Variants in ZC3H18 observed in about 807,000 individuals in gnomAD.
ZC3H18 encodes zinc finger CCCH-type containing 18.
Under a neutral mutation model 106.1 loss-of-function variants are expected in ZC3H18, and 8 were observed. That is an observed-to-expected ratio of 0.08 (90% confidence interval 0.04 to 0.14). The LOEUF (loss-of-function observed/expected upper bound fraction) is 0.14, where lower values mean the gene tolerates loss of function less well. Among genes scored for constraint, ZC3H18 ranks in the 10% least tolerant of loss-of-function variants. The pLI, the probability that ZC3H18 is intolerant of heterozygous loss-of-function variation, is 1.00. For missense variants in ZC3H18, 1,318 were observed against 1,278.4 expected (o/e 1.03, Z -0.47); for synonymous variants, 635 against 522.1 (o/e 1.22, Z -2.95).
At chr16:88,582,814 G>C (rs979137596) in intron 2 of ZC3H18, among the ~76,000 whole-genome samples, 3 of 152,180 alleles carry the variant, frequency 2.0e-5, no homozygotes, top group African/African-American at 7.2e-5. Flanking sequence ...GGCCCAAGCT[G>C]GCGTGAGGCT....
At chr16:88,594,353 T>C (rs970541105) in intron 3 of ZC3H18, among the ~76,000 whole-genome samples, 2 of 152,198 alleles carry the variant, frequency 1.3e-5, no homozygotes, top group Admixed American at 6.5e-5. Context: ...TCAATAGAAA[T>C]GACACATATA....
At position 88,623,273 on chromosome 16, in the gene ZC3H18, C is replaced by T; in HGVS notation, c.1722C>T (p.Ser574=). ...YSGSGSSRSR[S]RSSSYSSYSS... ...GCTCCGGCTCCTCCCGGTCGCGATCCCGGTCTTCATCCTACAGCTCCTACT... is the reference window on the plus strand; with the variant it reads ...GCTCCGGCTCCTCCCGGTCGCGATCTCGGTCTTCATCCTACAGCTCCTACT... The change falls in exon 10 of 18, where the codon TCC becomes TCT. Residue 574 remains serine (S), a synonymous_variant. Coordinates refer to ENST00000301011, the MANE Select transcript of ZC3H18 (RefSeq NM_144604.4). The T allele has an allele frequency of 6.2e-7, 1 of 1,613,758 alleles. No homozygotes were observed. The highest frequency in any genetic ancestry group is 8.5e-7 in the Non-Finnish European group (1 of 1,179,984).
At chr16:88,579,132 G>C (rs1254539165) in intron 2 of ZC3H18, among the ~76,000 whole-genome samples, 1 of 152,230 alleles carries the variant, frequency 6.6e-6, no homozygotes, top group African/African-American at 2.4e-5. Context: ...TACGGGACGT[G>C]TGTGCACCTG....
At chr16:88,619,628 C>T (rs1287416468) in intron 8 of ZC3H18, among the ~76,000 whole-genome samples, 1 of 152,214 alleles carries the variant, frequency 6.6e-6, no homozygotes, top group East Asian at 1.9e-4. Context: ...ATTGTGGAGG[C>T]CTGCACTGCC....
intron 3 of ZC3H18, among the ~76,000 whole-genome samples, chr16:88,589,121 G>C (rs1260605747): frequency 1.3e-5 from 2 of 152,154 alleles, no homozygotes; most frequent in Non-Finnish European, 2.9e-5. Context: ...AAATTCTTCA[G>C]TTTATGATCT....
intron 2 of ZC3H18, among the ~76,000 whole-genome samples, chr16:88,581,661 T>G (rs1179099754): frequency 6.6e-6 from 1 of 152,194 alleles, no homozygotes; most frequent in Non-Finnish European, 1.5e-5. Flanking sequence ...TCTTACCTGT[T>G]CAGGAAGCGG....
At chr16:88,574,636 G>C in intron 1 of ZC3H18, among the ~76,000 whole-genome samples, 1 of 149,984 alleles carries the variant, frequency 6.7e-6, no homozygotes, top group Non-Finnish European at 1.5e-5. Context: ...CCAAGTAGCT[G>C]GGACGACAGG....
At chr16:88,571,196 CCAAA>C (rs1405428540) in intron 1 of ZC3H18, among the ~76,000 whole-genome samples, 1 of 152,188 alleles carries the variant, frequency 6.6e-6, no homozygotes, top group Admixed American at 6.5e-5. Flanking sequence ...CTTACTCCTG[CCAAA>C]CATTTTTCCT....
In ZC3H18 at chr16:88,581,733, T is replaced by G. The variant is rs554354312; in HGVS notation, c.603+4007T>G. On this transcript the variant is annotated intron_variant, in intron 2 of 17. Transcript: ENST00000301011. ...ATGCTCCTGCCGTCCAAAGAGTGCG[T>G]GGAGCCCACCCTGACCCACTCATGC... 2.6e-5 allele frequency among the ~76,000 whole-genome samples: 4 copies of G among 152,338 alleles called. No homozygotes were observed. The East Asian group carries it at 5.8e-4, about 22-fold the overall frequency.
intron 8 of ZC3H18, among the ~76,000 whole-genome samples, chr16:88,614,251 G>A (rs1029519110): frequency 2.0e-5 from 3 of 152,258 alleles, no homozygotes; most frequent in African/African-American, 7.2e-5. Flanking sequence ...ACTTGGAGGG[G>A]CCACAGTTCT....
At position 88,631,450 on chromosome 16, in the gene ZC3H18, G is replaced by C; in HGVS notation, c.*151G>C. ...CTCAGCTGGAAAAGAAGCCACACAG[G>C]AAATGACAACGACGCTGAATCCCAG... On this transcript the variant is annotated 3_prime_UTR_variant, in exon 18 of 18. Coordinates refer to ENST00000301011, the MANE Select transcript of ZC3H18 (RefSeq NM_144604.4). 1 of 1,096,824 alleles carries C rather than the reference G, an allele frequency of 9.1e-7. No individual in the cohort carries two copies. The allele number at this position is 1,096,824 out of a possible 1,614,324, so 67.9% of individuals were successfully genotyped here. A position where few individuals can be genotyped will look rare whatever the true frequency, so the allele number is the denominator to read the frequency against.
chr16:88,631,159 A>G lies in ZC3H18; in HGVS notation c.2722A>G (p.Lys908Glu), dbSNP rs761312390. The change falls in exon 18 of 18, where the codon AAA becomes GAA. Residue 908 changes from lysine (K) to glutamate (E), a missense_variant. This residue lies in a region of ZC3H18 where 848 missense variants were observed against 821.7 expected (regional missense o/e 1.03). Coordinates refer to ENST00000301011, the MANE Select transcript of ZC3H18 (RefSeq NM_144604.4). Reference protein sequence around the residue: ...SSSKVTSVPGKASDPGAASTK... With the variant: ...SSSKVTSVPGEASDPGAASTK... ...CAGCAAGGTCACGAGCGTGCCCGGC[A>G]AAGCCTCGGATCCCGGCGCCGCCAG... 2.5e-6 allele frequency: 4 copies of G among 1,613,422 alleles called. No individual in the cohort carries two copies. The highest frequency in any genetic ancestry group is 3.4e-6 in the Non-Finnish European group (4 of 1,180,006).
In ZC3H18 at chr16:88,631,766, T is replaced by C. The variant is rs1043621481; in HGVS notation, c.*467T>C. ...TGATCACCCGCCCCCGGATCAGAAA[T>C]ATATCTATATTCTCGACTAAAGTCT... On this transcript the variant is annotated 3_prime_UTR_variant, in exon 18 of 18. Transcript: ENST00000301011. The C allele has an allele frequency of 5.7e-6, 2 of 347,984 alleles. No homozygotes were observed. The highest frequency in any genetic ancestry group is 4.4e-5 in the African/African-American group (2 of 45,176). 21.6% of individuals were successfully genotyped at this position (347,984 alleles called of 1,614,324 possible).
chr16:88,582,207 C>T (rs1915172099), intron 2 of ZC3H18, among the ~76,000 whole-genome samples: 1 of 131,510 alleles, frequency 7.6e-6, no homozygotes, highest in South Asian at 2.3e-4. Flanking sequence ...ATCCACCTTT[C>T]CTTTTTCTTT....
intron 9 of ZC3H18, 125 bp from the exon 10 acceptor site, chr16:88,623,094 C>T (rs746511153): frequency 8.9e-5 from 123 of 1,389,200 alleles, no homozygotes; most frequent in Non-Finnish European, 1.1e-4. Context: ...TGCGCGCGTG[C>T]GCAGCTGTGC....
rs1906607931 is a variant in ZC3H18, at chr16:88,630,669, C to A, written c.2663+88C>A. 2.5e-6 allele frequency: 3 copies of A among 1,198,996 alleles called. No individual in the cohort carries two copies. In the East Asian group the frequency reaches 7.7e-5, roughly 31 times the overall value. 74.3% of individuals were successfully genotyped at this position (1,198,996 alleles called of 1,614,324 possible). ...GGGAGGCCAGCAGCAGCAGGGCTAG[C>A]ACTGGGCCAGGCTGGAGGCGTCACT... is the stretch of plus-strand genomic sequence containing the variant. On this transcript the variant is annotated intron_variant, in intron 17 of 17. Coordinates refer to ENST00000301011, the MANE Select transcript of ZC3H18 (RefSeq NM_144604.4).
rs184851993 is a variant in ZC3H18, at chr16:88,620,386, C to G, written c.1476-1811C>G. ...GGAGGATCACTTGAGGCCAGAAATT[C>G]GAGACCAGCCTGGGCAACATAGGGA... On this transcript the variant is annotated intron_variant, in intron 8 of 17. Coordinates refer to ENST00000301011, the MANE Select transcript of ZC3H18 (RefSeq NM_144604.4). Among the ~76,000 whole-genome samples, 25 of 152,232 alleles carry G rather than the reference C, an allele frequency of 1.6e-4. No homozygotes were observed. The East Asian group carries it at 2.7e-3, about 16-fold the overall frequency.
intron 2 of ZC3H18, among the ~76,000 whole-genome samples, chr16:88,579,550 C>T (rs946392467): frequency 5.3e-5 from 8 of 152,132 alleles, no homozygotes; most frequent in African/African-American, 1.4e-4. Flanking sequence ...TGGGCGCGGG[C>T]GGTGCGGTAG....
Position 88,624,582 on chromosome 16 carries a change from C to G in ZC3H18, c.1899-20C>G, listed in dbSNP as rs758770994. 2.5e-6 allele frequency: 4 copies of G among 1,613,592 alleles called. No individual in the cohort carries two copies. The highest frequency in any genetic ancestry group is 8.5e-7 in the Non-Finnish European group (1 of 1,179,964). ...CCCCGTCCACCAGCCCTGCCCTGCT[C>G]GAGCCTCCCTGTCTCACAGAGAGAA... is the stretch of plus-strand genomic sequence containing the variant. On this transcript the variant is annotated intron_variant, in intron 11 of 17. Coordinates refer to ENST00000301011, the MANE Select transcript of ZC3H18 (RefSeq NM_144604.4).
Sources: gnomAD v4.1 joint callset for allele counts (sites outside exome capture counted in the v4.1 genomes callset) on GRCh38, gnomAD v4.1.1 for gene constraint, gnomAD v4.1.1 regional missense constraint, MANE v1.5 for transcripts, NCBI Gene and HGNC (gene_info 2026-07-23, HGNC 2026-07-21) for gene names.